The following NUP98 variants were observed in gnomAD, a reference collection of about 807,000 sequenced individuals.
NUP98 encodes nuclear pore complex protein Nup98-Nup96.
Under a neutral mutation model 191.9 loss-of-function variants are expected in NUP98, and 26 were observed. The ratio of observed to expected loss-of-function variants is 0.14; its 90% CI spans 0.10 to 0.19. The LOEUF is 0.19. Among genes scored for constraint, NUP98 ranks in the 10% least tolerant of loss-of-function variants. NUP98 has a pLI of 1.00. For missense variants in NUP98, 1,941 were observed against 2,178.8 expected (o/e 0.89, Z 2.17); for synonymous variants, 808 against 778.4 (o/e 1.04, Z -0.63).
At chr11:3,693,004 A>C (rs1564810825) in intron 27 of NUP98, 1 of 450,132 alleles carries the variant, frequency 2.2e-6, no homozygotes, top group East Asian at 3.5e-5. Flanking sequence ...AGACAGCATT[A>C]GAAATGAAGA....
chr11:3,763,588 C>T lies in NUP98; in HGVS notation c.949-549G>A, dbSNP rs565900181. ...AATTCCTTTTTTTGATACGGAGTTT[C>T]GTTCTGTTGCCCAGGCTGAAGTACA... On this transcript the variant is annotated intron_variant, in intron 8 of 32. Coordinates refer to ENST00000324932, the MANE Select transcript of NUP98 (RefSeq NM_016320.5). Among the ~76,000 whole-genome samples, 6 of 152,224 alleles carry T rather than the reference C, an allele frequency of 3.9e-5. No homozygotes were observed. The South Asian group carries it at 8.3e-4, about 21-fold the overall frequency.
intron 12 of NUP98, among the ~76,000 whole-genome samples, chr11:3,737,296 G>A (rs1391443786): frequency 4.7e-5 from 7 of 150,104 alleles, no homozygotes; most frequent in African/African-American, 1.7e-4. Context: ...TGTGGGGAGT[G>A]GGTGGAGAAC....
At chr11:3,777,421 G>C (rs1237495375) in intron 4 of NUP98, among the ~76,000 whole-genome samples, 1 of 152,012 alleles carries the variant, frequency 6.6e-6, no homozygotes, top group Non-Finnish European at 1.5e-5. Flanking sequence ...AGGAGTTCGA[G>C]ACCAGCCTGG....
chr11:3,686,286 A>T, intron 28 of NUP98, 92 bp from the exon 29 acceptor site: 1 of 1,078,380 alleles, frequency 9.3e-7, no homozygotes, highest in Non-Finnish European at 1.4e-6. Context: ...AGACAATAAA[A>T]GAACCTGAGA....
chr11:3,783,424 C>T (rs1399336770), intron 1 of NUP98, among the ~76,000 whole-genome samples: 3 of 151,942 alleles, frequency 2.0e-5, no homozygotes, highest in Non-Finnish European at 2.9e-5. Context: ...CTTGGCTGGG[C>T]GCGGTGGCTC....
In NUP98 at chr11:3,676,346, C is replaced by T. The variant is rs763063541; in HGVS notation, c.5216G>A (p.Arg1739His). ...DMAKRVANLL[R>H]VVLSLHHPPD... ...AGGATGATGCAGACTCAGCACCACGCGCAGCAGGTTGGCTACACGTTTGGC... is the reference window on the plus strand; with the variant it reads ...AGGATGATGCAGACTCAGCACCACGTGCAGCAGGTTGGCTACACGTTTGGC... The change falls in exon 33 of 33, where the codon CGC (arginine) becomes CAC (histidine). Residue 1739 changes from arginine to histidine, a missense_variant. Arg to His is a conservative substitution (Grantham distance 29). This residue lies in a region of NUP98 where 1,030 missense variants were observed against 1,115.8 expected (regional missense o/e 0.92). Transcript: ENST00000324932. The T allele has an allele frequency of 9.9e-6, 16 of 1,613,852 alleles. No individual in the cohort carries two copies. Among genetic ancestry groups the T allele is most frequent in the East Asian group, 2.2e-5 (1 of 44,892 alleles).
At chr11:3,791,038 G>T (rs1284215462) in intron 1 of NUP98, among the ~76,000 whole-genome samples, 5 of 151,900 alleles carry the variant, frequency 3.3e-5, no homozygotes, top group Admixed American at 3.3e-4. Context: ...TGGGATTACA[G>T]GCGCCCGCCA....
chr11:3,705,811 TACTC>T lies in NUP98; in HGVS notation c.2926-459_2926-456del, dbSNP rs563938862. Among the ~76,000 whole-genome samples, 167 of 152,118 alleles carry T rather than the reference TACTC, an allele frequency of 1.1e-3. 1 individual carries two copies. Among genetic ancestry groups the T allele is most frequent in the African/African-American group, 3.9e-3 (163 of 41,502 alleles). ...GTAATATTTTATAGAGAAAAATCAG[TACTC>T]ACAGCTATTATATGACTTGCACAAA... On this transcript the variant is annotated intron_variant, in intron 21 of 32. Transcript: ENST00000324932.
chr11:3,731,527 G>A lies in NUP98; in HGVS notation c.1594C>T (p.His532Tyr). The A allele has an allele frequency of 3.1e-6, 5 of 1,606,644 alleles. No homozygotes were observed. The highest frequency in any genetic ancestry group is 2.7e-5 in the African/African-American group (2 of 74,892). ...AAQKALTTPT[H>Y]YKLTPRPATR... is the part of the protein sequence containing the mutation. ...GCAGGGCGGGGTGTCAGTTTATAAT[G>A]AGTAGGTGTAGTAAGAGCCTTCTGG... The change falls in exon 14 of 33, where the codon CAT (histidine) becomes TAT (tyrosine). Residue 532 changes from histidine to tyrosine, a missense_variant. By Grantham distance (83) the His-to-Tyr change is moderately conservative (BLOSUM62 2). This residue lies in a region of NUP98 where 453 missense variants were observed against 438.2 expected (regional missense o/e 1.03). Transcript: ENST00000324932.
intron 26 of NUP98, 75 bp from the exon 27 acceptor site, chr11:3,693,450 A>C (rs1294851758): frequency 7.1e-7 from 1 of 1,401,818 alleles, no homozygotes; most frequent in Admixed American, 2.0e-5. Flanking sequence ...CACTGAAGTG[A>C]ATATTCACTT....
chr11:3,688,169 C>G (rs1589959730), intron 28 of NUP98, among the ~76,000 whole-genome samples: 1 of 152,112 alleles, frequency 6.6e-6, no homozygotes, highest in African/African-American at 2.4e-5. Context: ...CTCTGGGAGG[C>G]TGAGGTGAGC....
intron 30 of NUP98, among the ~76,000 whole-genome samples, chr11:3,680,934 C>T (rs908206249): frequency 6.6e-6 from 1 of 152,124 alleles, no homozygotes; most frequent in Non-Finnish European, 1.5e-5. Context: ...GATCATGGCT[C>T]ACTGCAGCCT....
At chr11:3,688,536 T>G (rs1451203935) in intron 28 of NUP98, among the ~76,000 whole-genome samples, 1 of 151,812 alleles carries the variant, frequency 6.6e-6, no homozygotes, top group African/African-American at 2.4e-5. Context: ...GGCTCACACC[T>G]ATAATCCCAG....
At chr11:3,701,811 G>T (rs368796705) in intron 23 of NUP98, among the ~76,000 whole-genome samples, 8 of 151,348 alleles carry the variant, frequency 5.3e-5, no homozygotes, top group Admixed American at 6.6e-5. Context: ...TCAGCCTCCT[G>T]ACTAGCTGGG....
At chr11:3,780,529 G>A (rs867111712) in intron 2 of NUP98, among the ~76,000 whole-genome samples, 18 of 115,724 alleles carry the variant, frequency 1.6e-4, no homozygotes, top group Middle Eastern at 7.7e-3. Context: ...GTGACAGAGC[G>A]AGACTCCATC....
At position 3,753,180 on chromosome 11, in the gene NUP98, T is replaced by C. The variant is rs192191264; in HGVS notation, c.1267+136A>G. The C allele has an allele frequency of 6.4e-5, 46 of 720,610 alleles. No homozygotes were observed. In the African/African-American group the frequency reaches 7.0e-4, roughly 11 times the overall value. 44.6% of individuals were successfully genotyped at this position (720,610 alleles called of 1,614,324 possible). Reference sequence around the variant, plus strand: ...TGGTAAAGCATAACTGCTGGGAATGTCTTATAAACGCAACTGGAAAAACGA... The same window carrying C: ...TGGTAAAGCATAACTGCTGGGAATGCCTTATAAACGCAACTGGAAAAACGA... On this transcript the variant is annotated intron_variant, in intron 11 of 32. Transcript: ENST00000324932.
At chr11:3,792,436 C>T (rs2082387364) in intron 1 of NUP98, among the ~76,000 whole-genome samples, 1 of 151,966 alleles carries the variant, frequency 6.6e-6, no homozygotes, top group African/African-American at 2.4e-5. Flanking sequence ...CATGTTGAAA[C>T]CCCGTCTCTA....
intron 12 of NUP98, among the ~76,000 whole-genome samples, chr11:3,735,620 C>T (rs1011964492): frequency 1.3e-5 from 2 of 152,140 alleles, no homozygotes; most frequent in South Asian, 4.1e-4. Context: ...ATTTAAACAA[C>T]CCTGATGAAA....
chr11:3,784,897 G>A (rs557948018), intron 1 of NUP98, among the ~76,000 whole-genome samples: 1 of 152,278 alleles, frequency 6.6e-6, no homozygotes, highest in South Asian at 2.1e-4. Flanking sequence ...AACACTTTGG[G>A]AGGCAGAGGC....
Sources: allele counts gnomAD v4.1 joint callset (sites outside exome capture counted in the v4.1 genomes callset), GRCh38; gene constraint gnomAD v4.1.1; regional missense constraint gnomAD v4.1.1; transcripts MANE v1.5; gene names NCBI Gene and HGNC (gene_info 2026-07-23, HGNC 2026-07-21).